The following STAG1 variants were observed in gnomAD, a reference collection of about 807,000 sequenced individuals.
The protein encoded by STAG1 is STAG1 cohesin complex component.
A neutral mutation model predicts 170.9 loss-of-function variants in STAG1; 26 were observed. That is an observed-to-expected ratio of 0.15 (90% confidence interval 0.11 to 0.21). The LOEUF (loss-of-function observed/expected upper bound fraction) is 0.21, where lower values mean the gene tolerates loss of function less well. Among genes scored for constraint, STAG1 ranks in the 10% least tolerant of loss-of-function variants. The pLI is 1.00. For synonymous variants in STAG1, 514 were observed against 497.7 expected (o/e 1.03, Z -0.44); for missense variants, 964 against 1,509.5 (o/e 0.64, Z 5.99).
intron 1 of STAG1, among the ~76,000 whole-genome samples, chr3:136,743,013 A>C (rs550221707): frequency 6.6e-6 from 1 of 152,326 alleles, no homozygotes; most frequent in African/African-American, 2.4e-5. Flanking sequence ...AAATACTGAC[A>C]ATTACCTCAG....
chr3:136,651,376 T>TAAAAAA (rs57372663), intron 1 of STAG1, among the ~76,000 whole-genome samples: 1 of 121,992 alleles, frequency 8.2e-6, no homozygotes. Flanking sequence ...ACCAAAAATT[T>TAAAAAA]AAAAAAAAAA....
At chr3:136,690,088 A>G (rs898086352) in intron 1 of STAG1, among the ~76,000 whole-genome samples, 6 of 151,568 alleles carry the variant, frequency 4.0e-5, no homozygotes, top group Non-Finnish European at 4.4e-5. Context: ...AAGTAAAGAA[A>G]AGAGAGAAAA....
intron 5 of STAG1, among the ~76,000 whole-genome samples, chr3:136,548,544 T>A (rs536258646): frequency 6.6e-6 from 1 of 152,320 alleles, no homozygotes; most frequent in East Asian, 1.9e-4. Context: ...AAGTTCAGAA[T>A]TTTTCTATTT....
At chr3:136,736,240 G>A (rs1030041821) in intron 1 of STAG1, among the ~76,000 whole-genome samples, 2 of 152,214 alleles carry the variant, frequency 1.3e-5, no homozygotes, top group Non-Finnish European at 2.9e-5. Flanking sequence ...GGAAGAGAAG[G>A]CAGCACCAAT....
At chr3:136,493,841 G>A (rs1223874653) in intron 9 of STAG1, among the ~76,000 whole-genome samples, 1 of 151,986 alleles carries the variant, frequency 6.6e-6, no homozygotes, top group East Asian at 1.9e-4. Context: ...AAATAAGGGG[G>A]CTGACAACCC....
chr3:136,340,065 C>A (rs1576369559), intron 32 of STAG1, among the ~76,000 whole-genome samples: 1 of 152,304 alleles, frequency 6.6e-6, no homozygotes, highest in Admixed American at 6.5e-5. Context: ...GAAGAACACC[C>A]AAGCTCATCC....
chr3:136,608,028 G>A (rs370991622), intron 3 of STAG1, among the ~76,000 whole-genome samples: 6 of 152,130 alleles, frequency 3.9e-5, no homozygotes, highest in South Asian at 2.1e-4. Flanking sequence ...AGGCCAAGGC[G>A]GGCAGATCAC....
intron 3 of STAG1, among the ~76,000 whole-genome samples, chr3:136,622,452 A>G (rs1387515302): frequency 6.6e-6 from 1 of 152,128 alleles, no homozygotes; most frequent in Non-Finnish European, 1.5e-5. Context: ...GAGATGAAAC[A>G]AGATTGGTCA....
At chr3:136,671,716 C>T (rs1469489010) in intron 1 of STAG1, among the ~76,000 whole-genome samples, 1 of 151,816 alleles carries the variant, frequency 6.6e-6, no homozygotes, top group Non-Finnish European at 1.5e-5. Flanking sequence ...CATGGTGAAA[C>T]CCCATTTCTA....
At position 136,648,868 on chromosome 3, in the gene STAG1, T is replaced by C. The variant is rs576639739; in HGVS notation, c.-83-17887A>G. On this transcript the variant is annotated intron_variant, in intron 1 of 33. Transcript: ENST00000383202. ...CTTCTTGCTTGCCGCAATTCAATTC[T>C]CCACCCTAGAGCCAGACTGATTTAT... Among the ~76,000 whole-genome samples the C allele has an allele frequency of 9.8e-5, 15 of 152,332 alleles. No homozygotes were observed. In the South Asian group the frequency reaches 3.1e-3, roughly 32 times the overall value.
At chr3:136,611,649 C>T (rs1576666110) in intron 3 of STAG1, among the ~76,000 whole-genome samples, 1 of 147,972 alleles carries the variant, frequency 6.8e-6, no homozygotes, top group African/African-American at 2.5e-5. Flanking sequence ...CACTAGCCAC[C>T]ACACCCAGCT....
At chr3:136,374,094 A>T (rs1243276404) in intron 23 of STAG1, among the ~76,000 whole-genome samples, 1 of 152,030 alleles carries the variant, frequency 6.6e-6, no homozygotes, top group Non-Finnish European at 1.5e-5. Context: ...ACCATTATGT[A>T]ATGGCCTTCT....
At chr3:136,418,094 C>T in intron 20 of STAG1, 122 bp from the exon 21 acceptor site, 2 of 758,092 alleles carry the variant, frequency 2.6e-6, no homozygotes, top group Non-Finnish European at 4.3e-6. Flanking sequence ...TGGCTCACGC[C>T]TGTAATCCCA....
chr3:136,572,751 C>T (rs1456459787), intron 4 of STAG1, among the ~76,000 whole-genome samples: 2 of 151,936 alleles, frequency 1.3e-5, no homozygotes, highest in Non-Finnish European at 2.9e-5. Flanking sequence ...GGAGACGTTT[C>T]AATTTTAGAG....
chr3:136,633,726 C>A (rs1286782194), intron 1 of STAG1, among the ~76,000 whole-genome samples: 29 of 36,402 alleles, frequency 8.0e-4, no homozygotes, highest in African/African-American at 9.6e-4. Context: ...GGGGGGGGGT[C>A]AGGGGCACAG....
chr3:136,536,647 G>A (rs1412757263), intron 6 of STAG1, among the ~76,000 whole-genome samples: 4 of 142,624 alleles, frequency 2.8e-5, no homozygotes, highest in African/African-American at 1.1e-4. Flanking sequence ...GTTGCCGTGA[G>A]CCAAGATCAC....
intron 6 of STAG1, among the ~76,000 whole-genome samples, chr3:136,534,838 A>G (rs1935545389): frequency 6.6e-6 from 1 of 152,224 alleles, no homozygotes; most frequent in Non-Finnish European, 1.5e-5. Context: ...AACAGTGTGG[A>G]GATTTTTCAA....
chr3:136,690,056 C>CAAAAAAAAAAAAAAAAA (rs57082567), intron 1 of STAG1, among the ~76,000 whole-genome samples: 68 of 56,348 alleles, frequency 1.2e-3, no homozygotes, highest in East Asian at 3.5e-3. Context: ...AAAAGCAAAC[C>CAAAAAAAAAAAAAAAAA]AAAAAAAAAA....
chr3:136,694,709 C>T (rs574364795), intron 1 of STAG1, among the ~76,000 whole-genome samples: 7 of 151,962 alleles, frequency 4.6e-5, no homozygotes, highest in East Asian at 1.9e-4. Flanking sequence ...CAATAACCTA[C>T]GAAATTCCTT....
Sources: allele counts gnomAD v4.1 joint callset (sites outside exome capture counted in the v4.1 genomes callset), GRCh38; gene constraint gnomAD v4.1.1; transcripts MANE v1.5; gene names NCBI Gene and HGNC (gene_info 2026-07-23, HGNC 2026-07-21).